The following POU6F2 variants were observed in gnomAD, a reference collection of about 807,000 sequenced individuals.
The protein encoded by POU6F2 is POU class 6 homeobox 2.
Under a neutral mutation model 71.3 loss-of-function variants are expected in POU6F2, and 31 were observed. That is an observed-to-expected ratio of 0.43 (90% CI 0.33 to 0.59). The LOEUF (loss-of-function observed/expected upper bound fraction) is 0.59. Among genes scored for constraint, POU6F2 ranks in the 20% least tolerant of loss-of-function variants. POU6F2 has a pLI of 0.04. For missense variants in POU6F2, 783 were observed against 856.8 expected (o/e 0.91, Z 1.07); for synonymous variants, 347 against 355.7 (o/e 0.98, Z 0.27).
intron 5 of POU6F2, among the ~76,000 whole-genome samples, chr7:39,382,892 TA>T (rs1368774289): frequency 1.3e-5 from 2 of 152,182 alleles, no homozygotes; most frequent in East Asian, 3.9e-4. Context: ...ATCTTCATAA[TA>T]ATACCCTGGA....
At chr7:39,228,307 G>GA (rs1354369798) in intron 4 of POU6F2, among the ~76,000 whole-genome samples, 1 of 152,140 alleles carries the variant, frequency 6.6e-6, no homozygotes, top group African/African-American at 2.4e-5. Context: ...GAGCTGGCTA[G>GA]AAATGTCTGT....
intron 7 of POU6F2, among the ~76,000 whole-genome samples, chr7:39,450,463 G>A (rs1384595131): frequency 2.6e-5 from 4 of 151,914 alleles, no homozygotes; most frequent in South Asian, 4.2e-4. Flanking sequence ...CAGCTTTCCC[G>A]GAGAAGAAAA....
intron 4 of POU6F2, among the ~76,000 whole-genome samples, chr7:39,262,625 G>A (rs1784158380): frequency 3.3e-5 from 5 of 151,944 alleles, no homozygotes; most frequent in Admixed American, 3.3e-4. Flanking sequence ...TATCACACTG[G>A]GGAAACTTTA....
chr7:39,163,559 C>T (rs958813207), intron 2 of POU6F2, among the ~76,000 whole-genome samples: 1 of 152,136 alleles, frequency 6.6e-6, no homozygotes, highest in South Asian at 2.1e-4. Context: ...AGTGTTTGGA[C>T]AGAACAGATC....
chr7:39,259,918 G>C (rs1270659050), intron 4 of POU6F2, among the ~76,000 whole-genome samples: 1 of 151,778 alleles, frequency 6.6e-6, no homozygotes, highest in Non-Finnish European at 1.5e-5. Context: ...ACACTGGAGG[G>C]TGGGAGTCCT....
intron 1 of POU6F2, among the ~76,000 whole-genome samples, chr7:39,020,134 C>T (rs756310399): frequency 2.0e-5 from 3 of 152,100 alleles, no homozygotes. Flanking sequence ...AGCTCCCAAT[C>T]TGGGGTCTTA....
chr7:39,241,024 C>A (rs1783715494), intron 4 of POU6F2, among the ~76,000 whole-genome samples: 1 of 152,154 alleles, frequency 6.6e-6, no homozygotes, highest in African/African-American at 2.4e-5. Context: ...AGCTGACTCA[C>A]CTTGTGGTTG....
At chr7:39,122,704 ATTTTTTTTT>A (rs1199309217) in intron 2 of POU6F2, among the ~76,000 whole-genome samples, 1 of 117,148 alleles carries the variant, frequency 8.5e-6, no homozygotes, top group African/African-American at 3.3e-5. Context: ...ATGCATGCCT[ATTTTTTTTT>A]TTTTTTTTTT....
chr7:39,154,171 G>T (rs1259846695), intron 2 of POU6F2, among the ~76,000 whole-genome samples: 1 of 152,164 alleles, frequency 6.6e-6, no homozygotes, highest in African/African-American at 2.4e-5. Context: ...AAGTTAAAGG[G>T]ATGTGTTTCC....
At chr7:39,088,456 A>G (rs1223016385) in intron 2 of POU6F2, among the ~76,000 whole-genome samples, 1 of 152,186 alleles carries the variant, frequency 6.6e-6, no homozygotes, top group Non-Finnish European at 1.5e-5. Flanking sequence ...TTTCTTTGAT[A>G]TGCATATGTT....
intron 5 of POU6F2, chr7:39,406,398 A>G: frequency 6.8e-6 from 4 of 588,904 alleles, no homozygotes; most frequent in South Asian, 6.3e-5. Flanking sequence ...AAGCTCCCCA[A>G]CATTTTCCTT....
rs1583490767 is a variant in POU6F2 at position 39,275,942 on chromosome 7, A to C, written c.599-63700A>C. Among the ~76,000 whole-genome samples, 5 of 152,104 alleles carry C rather than the reference A, an allele frequency of 3.3e-5. 1 individual carries two copies. The East Asian group carries it at 9.7e-4, about 29-fold the overall frequency. On this transcript the variant is annotated intron_variant, in intron 4 of 9. Coordinates refer to ENST00000518318, the MANE Select transcript of POU6F2 (RefSeq NM_001370959.1). ...ACTTAAACGTTAGACCTAAAACCAT[A>C]AAAACCCTAGAAGAAAACCTAGGCA...
At chr7:39,180,838 A>G (rs1251915084) in intron 2 of POU6F2, among the ~76,000 whole-genome samples, 1 of 151,978 alleles carries the variant, frequency 6.6e-6, no homozygotes, top group South Asian at 2.1e-4. Flanking sequence ...CCTCCTGCCA[A>G]CCTTTTCCCT....
In POU6F2 at chr7:38,985,852, C is replaced by T. The variant is rs572368843; in HGVS notation, c.105+7794C>T. 7.4e-4 allele frequency among the ~76,000 whole-genome samples: 112 copies of T among 152,200 alleles called. 1 individual carries two copies. The highest frequency in any genetic ancestry group is 2.6e-3 in the African/African-American group (108 of 41,544). ...TTCAGAAGGTTTCTGGGAACGAAGG[C>T]TAATATGGCTCAAATCCCAAACAGT... On this transcript the variant is annotated intron_variant, in intron 1 of 9. Transcript: ENST00000518318.
intron 4 of POU6F2, among the ~76,000 whole-genome samples, chr7:39,326,807 CAAT>C (rs1246333179): frequency 6.6e-6 from 1 of 152,156 alleles, no homozygotes; most frequent in African/African-American, 2.4e-5. Flanking sequence ...AAATCCATAA[CAAT>C]GATGCTTTCC....
At chr7:38,997,873 C>G (rs529904995) in intron 1 of POU6F2, among the ~76,000 whole-genome samples, 76 of 152,238 alleles carry the variant, frequency 5.0e-4, no homozygotes, top group Admixed American at 2.6e-4. Flanking sequence ...AAGAGATTAT[C>G]AAGTCCAACA....
chr7:39,082,837 A>ACACACACAC (rs1791154833), intron 1 of POU6F2, among the ~76,000 whole-genome samples: 1 of 99,748 alleles, frequency 1.0e-5, no homozygotes, highest in Non-Finnish European at 2.3e-5. Flanking sequence ...CACACACACA[A>ACACACACAC]ATATATATAT....
intron 2 of POU6F2, among the ~76,000 whole-genome samples, chr7:39,130,352 G>T (rs75372219): frequency 1.3e-5 from 2 of 152,080 alleles, no homozygotes; most frequent in Non-Finnish European, 2.9e-5. Context: ...TTTCCTTAAG[G>T]ATTTCAACTC....
intron 4 of POU6F2, among the ~76,000 whole-genome samples, chr7:39,308,016 G>A (rs1785080032): frequency 6.6e-6 from 1 of 151,888 alleles, no homozygotes; most frequent in Admixed American, 6.6e-5. Context: ...TTCTGGCTTT[G>A]CATATATCAA....
Sources: gnomAD v4.1 joint callset for allele counts (sites outside exome capture counted in the v4.1 genomes callset) on GRCh38, gnomAD v4.1.1 for gene constraint, MANE v1.5 for transcripts, NCBI Gene and HGNC (gene_info 2026-07-23, HGNC 2026-07-21) for gene names.